MTBP: variants seen among roughly 807,000 people sequenced by gnomAD.
MTBP encodes the protein mdm2-binding protein.
MTBP carries 101 observed loss-of-function variants against 117.0 expected under a neutral mutation model. That is an observed-to-expected ratio of 0.86 (90% confidence interval 0.73 to 1.02). MTBP has a LOEUF of 1.02. MTBP is among the 50% of genes least tolerant of loss of function. The pLI is 0.00. For synonymous variants in MTBP, 350 were observed against 351.5 expected (o/e 1.00, Z 0.05); for missense variants, 970 against 1,030.9 (o/e 0.94, Z 0.81).
intron 17 of MTBP, among the ~76,000 whole-genome samples, chr8:120,511,463 T>G (rs1814808293): frequency 6.6e-6 from 1 of 152,122 alleles, no homozygotes. Flanking sequence ...GCCTGGCTAA[T>G]TTTTATATTT....
intron 5 of MTBP, among the ~76,000 whole-genome samples, chr8:120,454,414 A>C (rs1813426437): frequency 6.6e-6 from 1 of 152,064 alleles, no homozygotes; most frequent in East Asian, 1.9e-4. Context: ...TACCTGTGAC[A>C]TACTGTATCA....
intron 13 of MTBP, chr8:120,490,842 C>T (rs900507700): frequency 7.7e-5 from 18 of 234,342 alleles, no homozygotes; most frequent in African/African-American, 4.1e-4. Flanking sequence ...TAATTGTATG[C>T]TAGAGAAGGT....
intron 11 of MTBP, among the ~76,000 whole-genome samples, chr8:120,479,591 G>T (rs1814027833): frequency 6.6e-6 from 1 of 152,124 alleles, no homozygotes. Flanking sequence ...ATACATGCTA[G>T]TCCACTAAAT....
chr8:120,471,301 G>GTTAT (rs565621247), intron 11 of MTBP: 253 of 159,670 alleles, frequency 1.6e-3, no homozygotes, highest in Admixed American at 4.8e-3. Context: ...ATTAGTAGAA[G>GTTAT]TTATTTATTT....
intron 18 of MTBP, 67 bp from the exon 19 acceptor site, chr8:120,517,784 A>T: frequency 6.8e-7 from 1 of 1,469,768 alleles, no homozygotes; most frequent in Non-Finnish European, 9.3e-7. Flanking sequence ...AATATTTAAG[A>T]CAGAAAATGA....
chr8:120,476,484 C>A (rs1813941866), intron 11 of MTBP, among the ~76,000 whole-genome samples: 1 of 152,088 alleles, frequency 6.6e-6, no homozygotes. Context: ...TTGCAGGCAA[C>A]ATGATTGTAT....
At chr8:120,512,228 G>A (rs1326501882) in intron 17 of MTBP, among the ~76,000 whole-genome samples, 1 of 152,068 alleles carries the variant, frequency 6.6e-6, no homozygotes, top group Non-Finnish European at 1.5e-5. Context: ...ATTAACATTT[G>A]CTTTGCTACA....
intron 15 of MTBP, 152 bp from the exon 16 acceptor site, chr8:120,506,554 C>T: frequency 5.8e-6 from 3 of 518,400 alleles, no homozygotes; most frequent in Non-Finnish European, 9.9e-6. Context: ...TATTGTCTGT[C>T]CTAAATGTTT....
chr8:120,489,590 A>G (rs1490308887), intron 12 of MTBP, among the ~76,000 whole-genome samples: 5 of 152,202 alleles, frequency 3.3e-5, no homozygotes, highest in African/African-American at 1.2e-4. Context: ...ATGGGCTACT[A>G]TTTAGGTCCA....
Position 120,516,063 on chromosome 8 carries a change from A to G in MTBP, c.2118A>G (p.Pro706=), listed in dbSNP as rs1312495272. 1.9e-6 allele frequency: 3 copies of G among 1,612,946 alleles called. No homozygotes were observed. The highest frequency in any genetic ancestry group is 1.3e-5 in the African/African-American group (1 of 74,848). Residue 706 remains proline, a synonymous_variant, in exon 18 of 22, where the codon CCA becomes CCG. Coordinates refer to ENST00000305949, the MANE Select transcript of MTBP (RefSeq NM_022045.5). Reference sequence around the variant, plus strand: ...TACCTACTGTGTTGAGCCCTCTTCCATCTCCTGTAGTTTCGTCAGATCCTG... The same window carrying G: ...TACCTACTGTGTTGAGCCCTCTTCCGTCTCCTGTAGTTTCGTCAGATCCTG... The part of the protein sequence containing the change: ...FPVPTVLSPL[P]SPVVSSDPGS...
chr8:120,459,423 CTT>C, intron 8 of MTBP, 74 bp downstream of exon 8: 1 of 1,396,836 alleles, frequency 7.2e-7, no homozygotes, highest in African/African-American at 1.4e-5. Flanking sequence ...TGAATCTTGA[CTT>C]AATATTACTA....
chr8:120,523,364 A>G lies in MTBP; in HGVS notation c.*28A>G. On this transcript the variant is annotated 3_prime_UTR_variant, in exon 22 of 22. Coordinates refer to ENST00000305949, the MANE Select transcript of MTBP (RefSeq NM_022045.5). ...CATAATCATTCTCTTTAAGACAATT[A>G]TAAATTGGATGGAGCTATTATTCAC... The G allele has an allele frequency of 7.2e-7, 1 of 1,395,670 alleles. No homozygotes were observed. The highest frequency in any genetic ancestry group is 1.4e-5 in the South Asian group (1 of 71,034). The allele number at this position is 1,395,670 out of a possible 1,614,324, so 86.5% of individuals were successfully genotyped here.
intron 13 of MTBP, among the ~76,000 whole-genome samples, chr8:120,493,352 A>G (rs554093627): frequency 2.0e-5 from 3 of 152,046 alleles, no homozygotes; most frequent in Non-Finnish European, 4.4e-5. Context: ...TTCTGTCTCC[A>G]TTTCTTAATC....
At chr8:120,465,384 A>C (rs2130537272) in intron 10 of MTBP, among the ~76,000 whole-genome samples, 1 of 152,288 alleles carries the variant, frequency 6.6e-6, no homozygotes, top group African/African-American at 2.4e-5. Flanking sequence ...GTAAACTGGA[A>C]ATAATAATCC....
intron 11 of MTBP, among the ~76,000 whole-genome samples, chr8:120,481,977 A>G (rs373933161): frequency 1.3e-5 from 2 of 152,194 alleles, no homozygotes; most frequent in Non-Finnish European, 2.9e-5. Context: ...TAGGTCCTTC[A>G]ATCTAAATGC....
rs79766434 is a variant in MTBP at position 120,488,225 on chromosome 8, G to A, written c.1232G>A (p.Arg411Lys). The A allele has an allele frequency of 2.5e-3, 3,992 of 1,597,048 alleles. 77 individuals carry two copies. The African/African-American group carries it at 0.044, about 18-fold the overall frequency. Residue 411 changes from arginine (R) to lysine (K), a missense_variant, in exon 12 of 22, where the codon AGA (arginine) becomes AAA (lysine). Arg to Lys is a conservative substitution (Grantham distance 26, BLOSUM62 2). Transcript: ENST00000305949. ...YYLLLQGNGN[R>K]RCKATLIHSA... ...CTCTTGTTACAAGGTAATGGCAATAGAAGATGTAAAGCCACATTGATTCAC... is the reference window on the plus strand; with the variant it reads ...CTCTTGTTACAAGGTAATGGCAATAAAAGATGTAAAGCCACATTGATTCAC...
intron 9 of MTBP, among the ~76,000 whole-genome samples, chr8:120,462,450 C>T (rs1006417783): frequency 2.8e-4 from 42 of 152,150 alleles, no homozygotes; most frequent in Non-Finnish European, 4.9e-4. Context: ...GAGCCATTTT[C>T]GCAGAGGAAA....
intron 11 of MTBP, chr8:120,473,747 C>G (rs1813872850): frequency 6.6e-6 from 1 of 152,002 alleles, no homozygotes; most frequent in Non-Finnish European, 1.5e-5. Context: ...AATTTTGGCA[C>G]TTGCTAAAAC....
intron 13 of MTBP, among the ~76,000 whole-genome samples, chr8:120,495,691 T>C (rs971589349): frequency 6.6e-6 from 1 of 152,112 alleles, no homozygotes; most frequent in Non-Finnish European, 1.5e-5. Flanking sequence ...ATTTTACAGC[T>C]CTTCTATGGA....
Sources: allele counts gnomAD v4.1 joint callset (sites outside exome capture counted in the v4.1 genomes callset), GRCh38; gene constraint gnomAD v4.1.1; transcripts MANE v1.5; gene names NCBI Gene and HGNC (gene_info 2026-07-23, HGNC 2026-07-21).